Variants in ZNF469 observed in about 807,000 individuals in gnomAD.
The protein encoded by ZNF469 is zinc finger protein 469.
ZNF469 carries 1 observed loss-of-function variant against 1.0 expected under a neutral mutation model. The observed-to-expected ratio is 1.00, with a 90% CI of 0.35 to 4.73. The LOEUF (loss-of-function observed/expected upper bound fraction) is 4.73, where lower values mean the gene tolerates loss of function less well. ZNF469 is among the 30% of genes most tolerant of loss of function. ZNF469 has a pLI of 0.16. For missense variants in ZNF469, 6,100 were observed against 5,356.3 expected (o/e 1.14, Z -4.33); for synonymous variants, 2,703 against 2,363.4 (o/e 1.14, Z -4.17).
In ZNF469 at chr16:88,433,995, G is replaced by A. The variant is rs1906386600; in HGVS notation, c.6525G>A (p.Leu2175=). 6.5e-7 allele frequency: 1 copy of A among 1,550,148 alleles called. No individual in the cohort carries two copies. The highest frequency in any genetic ancestry group is 8.7e-7 in the Non-Finnish European group (1 of 1,146,934). ...CCTGTTCTCCTGCCTGGGCACCTCT[G>A]GAAGAGGCAGATGGCGTCCAAGCCA... is the stretch of plus-strand genomic sequence containing the variant. ...LLACSPAWAP[L]EEADGVQATT... is the part of the protein sequence containing the mutation. Residue 2175 remains leucine, a synonymous_variant, in exon 3 of 3, where the codon CTG becomes CTA. Transcript: ENST00000565624.
At chr16:88,157,020 G>A in the ZNF469 span, among the ~76,000 whole-genome samples, 1 of 152,228 alleles carries the variant, frequency 6.6e-6, no homozygotes, top group East Asian at 1.9e-4. Context: ...ATCTCTAGAT[G>A]GGCCTCGGTG....
At chr16:88,365,956 C>T in the ZNF469 span, among the ~76,000 whole-genome samples, 6 of 152,208 alleles carry the variant, frequency 3.9e-5, no homozygotes, top group African/African-American at 1.2e-4. Context: ...ACAGTGCCCC[C>T]TGCAGAAATC....
At chr16:88,283,321 A>C in the ZNF469 span, among the ~76,000 whole-genome samples, 2 of 152,160 alleles carry the variant, frequency 1.3e-5, no homozygotes, top group African/African-American at 4.8e-5. Context: ...AACCATAAAC[A>C]AATGTTGAAC....
At chr16:88,291,399 C>T in the ZNF469 span, among the ~76,000 whole-genome samples, 1 of 152,184 alleles carries the variant, frequency 6.6e-6, no homozygotes, top group Non-Finnish European at 1.5e-5. Flanking sequence ...GCAGCTTTAG[C>T]CTCCCAGCCC....
chr16:88,327,333 C>T, the ZNF469 span, among the ~76,000 whole-genome samples: 3 of 152,200 alleles, frequency 2.0e-5, no homozygotes, highest in African/African-American at 4.8e-5. Flanking sequence ...CTCCCGGCCT[C>T]GCCTCTCCTT....
At chr16:88,268,435 T>A in the ZNF469 span, among the ~76,000 whole-genome samples, 1 of 152,200 alleles carries the variant, frequency 6.6e-6, no homozygotes, top group South Asian at 2.1e-4. Context: ...CAGGGCCTCC[T>A]CTCAACTGAG....
chr16:88,427,851 G>A lies in ZNF469; in HGVS notation c.381G>A (p.Ser127=), dbSNP rs116028037. ...PQRYILGIAS[S]RTKPTLDETP... ...GCTACATTCTGGGCATCGCCAGCTC[G>A]AGGACCAAGCCCACCCTGGACGAGA... The change falls in exon 3 of 3, where the codon TCG becomes TCA. Residue 127 remains serine, a synonymous_variant. Coordinates refer to ENST00000565624, the MANE Select transcript of ZNF469 (RefSeq NM_001367624.2). 7.7e-5 allele frequency: 119 copies of A among 1,549,310 alleles called. No individual in the cohort carries two copies. The African/African-American group carries it at 1.1e-3, about 15-fold the overall frequency.
chr16:88,188,276 G>A, the ZNF469 span, among the ~76,000 whole-genome samples: 10 of 151,668 alleles, frequency 6.6e-5, no homozygotes, highest in East Asian at 1.9e-4. Context: ...CTCCCTCCCC[G>A]ACTGAGCACC....
the ZNF469 span, among the ~76,000 whole-genome samples, chr16:88,366,286 A>G: frequency 6.6e-6 from 1 of 151,922 alleles, no homozygotes; most frequent in Non-Finnish European, 1.5e-5. Context: ...TACCTTCACC[A>G]CCACCACCAT....
upstream of ZNF469, among the ~76,000 whole-genome samples, chr16:88,380,780 A>T (rs561797634): frequency 7.9e-6 from 1 of 125,910 alleles, no homozygotes; most frequent in Non-Finnish European, 1.6e-5. Flanking sequence ...ACACACATGC[A>T]CTCACACACA....
chr16:88,394,014 C>T (rs115624165), intron 1 of ZNF469, among the ~76,000 whole-genome samples: 1,544 of 151,864 alleles, frequency 0.01, 57 homozygotes, highest in African/African-American at 0.036. Flanking sequence ...GGGTTTGACA[C>T]GTCTACACCT....
At chr16:88,400,828 C>G (rs1904832992) in intron 1 of ZNF469, among the ~76,000 whole-genome samples, 1 of 151,960 alleles carries the variant, frequency 6.6e-6, no homozygotes, top group Non-Finnish European at 1.5e-5. Flanking sequence ...CACGGGGTCA[C>G]CTGGGAGCAT....
At position 88,427,779 on chromosome 16, in the gene ZNF469, G is replaced by A. The variant is rs1295439782; in HGVS notation, c.309G>A (p.Gln103=). 1 of 1,546,768 alleles carries A rather than the reference G, an allele frequency of 6.5e-7. No homozygotes were observed. The highest frequency in any genetic ancestry group is 1.2e-5 in the South Asian group (1 of 84,044). ...CCCCACCGGGGAGAAGCCCCTTGCAGGCTCCCTCAAGGCTGGCGGGCAGGG... is the reference window on the plus strand; with the variant it reads ...CCCCACCGGGGAGAAGCCCCTTGCAAGCTCCCTCAAGGCTGGCGGGCAGGG... ...PQTPPGRSPL[Q]APSRLAGRAE... is the part of the protein sequence containing the mutation. The change falls in exon 3 of 3, where the codon CAG becomes CAA. Residue 103 remains glutamine, a synonymous_variant. Transcript: ENST00000565624.
chr16:88,438,812 C>A lies in ZNF469; in HGVS notation c.11342C>A (p.Pro3781His). 1 of 1,550,270 alleles carries A rather than the reference C, an allele frequency of 6.5e-7. No individual in the cohort carries two copies. Among genetic ancestry groups the A allele is most frequent in the Non-Finnish European group, 8.7e-7 (1 of 1,146,946 alleles). Residue 3781 changes from proline (P) to histidine (H), a missense_variant, in exon 3 of 3, where the codon CCC becomes CAC. By Grantham distance (77) the Pro-to-His change is moderately conservative. Transcript: ENST00000565624. Reference sequence around the variant, plus strand: ...CGGAGCCCTGCACCAGAGAGGCTCCCCGCTCGAGCCCAAGCCAAGAGCTGC... The same window carrying A: ...CGGAGCCCTGCACCAGAGAGGCTCCACGCTCGAGCCCAAGCCAAGAGCTGC... The part of the protein sequence containing the change: ...PSRSPAPERL[P>H]ARAQAKSCTK...
At chr16:88,235,110 GC>G in the ZNF469 span, among the ~76,000 whole-genome samples, 1 of 152,268 alleles carries the variant, frequency 6.6e-6, no homozygotes, top group South Asian at 2.1e-4. Flanking sequence ...CGCTGGGGCT[GC>G]TGCTGAAATT....
the ZNF469 span, among the ~76,000 whole-genome samples, chr16:88,118,059 C>T: frequency 3.9e-5 from 6 of 152,368 alleles, no homozygotes; most frequent in East Asian, 1.9e-4. Flanking sequence ...TCCCCTGACT[C>T]AGCCTCCCCA....
chr16:88,305,676 A>G, the ZNF469 span, among the ~76,000 whole-genome samples: 1 of 152,256 alleles, frequency 6.6e-6, no homozygotes, highest in South Asian at 2.1e-4. Context: ...ATACACACAC[A>G]TGCTCACATG....
rs552571715 is a variant in ZNF469 at position 88,433,912 on chromosome 16, G to A, written c.6442G>A (p.Gly2148Arg). 6 of 1,549,296 alleles carry A rather than the reference G, an allele frequency of 3.9e-6. No individual in the cohort carries two copies. In the South Asian group the frequency reaches 6.0e-5, roughly 15 times the overall value. Residue 2148 changes from glycine to arginine, a missense_variant, in exon 3 of 3, where the codon GGG becomes AGG. Physicochemically the swap from Gly to Arg is moderately radical, Grantham distance 125. Coordinates refer to ENST00000565624, the MANE Select transcript of ZNF469 (RefSeq NM_001367624.2). ...SPSRAQGGLG[G>R]QLPASPSCRD... ...TTCCAGGGCCCAAGGTGGGCTGGGGGGGCAGCTGCCAGCATCTCCGTCCTG... is the reference window on the plus strand; with the variant it reads ...TTCCAGGGCCCAAGGTGGGCTGGGGAGGCAGCTGCCAGCATCTCCGTCCTG...
Position 88,430,314 on chromosome 16 carries a change from G to A in ZNF469, c.2844G>A (p.Gly948=), listed in dbSNP as rs1315455268. 7 of 1,514,186 alleles carry A rather than the reference G, an allele frequency of 4.6e-6. No homozygotes were observed. The Admixed American group carries it at 6.2e-5, about 13-fold the overall frequency. The allele number at this position is 1,514,186 out of a possible 1,614,324, so 93.8% of individuals were successfully genotyped here. The change falls in exon 3 of 3, where the codon GGG becomes GGA. Residue 948 remains glycine, a synonymous_variant. Transcript: ENST00000565624. Reference sequence around the variant, plus strand: ...GCCAGGGCAGGCAGCAGAGGAGGGGGAAGCAGTTGAAGCTGTTCCGGAAGG... The same window carrying A: ...GCCAGGGCAGGCAGCAGAGGAGGGGAAAGCAGTTGAAGCTGTTCCGGAAGG... ...APSQGRQQRR[G]KQLKLFRKDL...
Sources: allele counts gnomAD v4.1 joint callset (sites outside exome capture counted in the v4.1 genomes callset), GRCh38; gene constraint gnomAD v4.1.1; transcripts MANE v1.5; gene names NCBI Gene and HGNC (gene_info 2026-07-23, HGNC 2026-07-21).